GRAMD4: variants seen among roughly 807,000 people sequenced by gnomAD.
The protein encoded by GRAMD4 is GRAM domain-containing protein 4.
Under a neutral mutation model 83.9 loss-of-function variants are expected in GRAMD4, and 25 were observed. The ratio of observed to expected loss-of-function variants is 0.30; its 90% CI spans 0.22 to 0.42. GRAMD4 has a LOEUF of 0.42. Ranked by LOEUF, GRAMD4 falls within the 10% of genes least tolerant of loss-of-function variation. The probability of loss-of-function intolerance (pLI) is 1.00; values close to 1 mark genes in which losing one functional copy is unlikely to be tolerated. For missense variants in GRAMD4, 593 were observed against 788.7 expected, an observed-to-expected ratio of 0.75 and a Z score of 2.97; for synonymous variants, 336 against 320.9, an observed-to-expected ratio of 1.05 and a Z score of -0.50.
upstream of GRAMD4, among the ~76,000 whole-genome samples, chr22:46,617,723 G>C (rs969996836): frequency 2.0e-5 from 3 of 152,220 alleles, no homozygotes; most frequent in East Asian, 3.9e-4. Flanking sequence ...GCCATACACC[G>C]TGCTGGCATT....
At chr22:46,606,011 GGTTTATTGACCAGT>G (rs1304495559) in intron 1 of GRAMD4, among the ~76,000 whole-genome samples, 1,678 of 16,228 alleles carry the variant, frequency 0.1, 498 homozygotes, top group East Asian at 0.28. Flanking sequence ...TCTCTGCATG[GGTTTATTGACCAGT>G]GCTGAGCATG....
At chr22:46,682,032 G>A (rs981640065), downstream of GRAMD4, among the ~76,000 whole-genome samples, 7 of 152,208 alleles carry the variant, frequency 4.6e-5, no homozygotes, top group South Asian at 2.1e-4. Context: ...TGGGAAAGCC[G>A]CCCAGGGAAA....
chr22:46,669,650 A>G (rs2082470522), intron 13 of GRAMD4, among the ~76,000 whole-genome samples: 1 of 147,772 alleles, frequency 6.8e-6, no homozygotes, highest in Non-Finnish European at 1.5e-5. Flanking sequence ...ATCTCGGCTC[A>G]CTGCAACCTC....
chr22:46,658,904 T>C (rs904895328), intron 4 of GRAMD4, among the ~76,000 whole-genome samples: 1 of 151,994 alleles, frequency 6.6e-6, no homozygotes, highest in Non-Finnish European at 1.5e-5. Flanking sequence ...TGCTCTTGTT[T>C]GTGGGTCCCA....
upstream of GRAMD4, chr22:46,620,323 T>A (rs2081555326): frequency 3.6e-5 from 35 of 985,452 alleles, no homozygotes; most frequent in African/African-American, 5.2e-5. The surrounding 1 kb of genome is among the most constrained non-coding windows in gnomAD (Gnocchi z 4.7). Context: ...GGCGCCGCCC[T>A]GAGCCTGGGG....
chr22:46,646,068 A>G (rs2082068256), intron 3 of GRAMD4, among the ~76,000 whole-genome samples: 1 of 152,140 alleles, frequency 6.6e-6, no homozygotes, highest in Non-Finnish European at 1.5e-5. Flanking sequence ...TAGGCTGTGT[A>G]GGGGAGCCCT....
At chr22:46,619,893 C>A (rs2081549558), upstream of GRAMD4, among the ~76,000 whole-genome samples, 1 of 152,170 alleles carries the variant, frequency 6.6e-6, no homozygotes, top group Non-Finnish European at 1.5e-5. Context: ...CCCCCAGGGA[C>A]ATTGCTTAGG....
chr22:46,633,125 G>A (rs1007615491), intron 2 of GRAMD4, among the ~76,000 whole-genome samples: 1 of 152,204 alleles, frequency 6.6e-6, no homozygotes, highest in Non-Finnish European at 1.5e-5. Flanking sequence ...CTGGAACAGG[G>A]TGGCACGGTC....
chr22:46,661,550 C>T, intron 5 of GRAMD4, 108 bp downstream of exon 5: 4 of 796,998 alleles, frequency 5.0e-6, no homozygotes, highest in Non-Finnish European at 8.4e-6. Context: ...CCCCCTCCCC[C>T]AGCAGGTGGG....
upstream of GRAMD4, among the ~76,000 whole-genome samples, chr22:46,576,942 G>A (rs2081047189): frequency 6.9e-6 from 1 of 145,586 alleles, no homozygotes; most frequent in African/African-American, 2.5e-5. Context: ...GCTGGCGCAC[G>A]CGGACCCGCC....
At chr22:46,616,001 T>C (rs1569262210), upstream of GRAMD4, among the ~76,000 whole-genome samples, 1 of 131,716 alleles carries the variant, frequency 7.6e-6, no homozygotes, top group Non-Finnish European at 1.6e-5. Context: ...GGTTCCCCCG[T>C]GTGTAGGTTC....
chr22:46,663,314 G>A lies in GRAMD4; in HGVS notation c.599+142G>A, dbSNP rs2147351971. 4.9e-6 allele frequency: 4 copies of A among 823,274 alleles called. No individual in the cohort carries two copies. In the South Asian group the frequency reaches 5.1e-5, roughly 10 times the overall value. 51.0% of individuals were successfully genotyped at this position (823,274 alleles called of 1,614,324 possible). A position where few individuals can be genotyped will look rare whatever the true frequency, so the allele number is the denominator to read the frequency against. ...CGAGAGCTCCTGGAGGCTCCGCTGT[G>A]TCTGGTCTTCTGGGGGCCGTGCCTG... On this transcript the variant is annotated intron_variant, in intron 6 of 18. Coordinates refer to ENST00000406902, the MANE Select transcript of GRAMD4 (RefSeq NM_015124.5).
At chr22:46,600,051 G>A (rs138547) in intron 1 of GRAMD4, among the ~76,000 whole-genome samples, 55,063 of 152,008 alleles carry the variant, frequency 0.36, 10,670 homozygotes, top group African/African-American at 0.42. Context: ...AGGGTCCTGC[G>A]GAGAGTGGAA....
intron 1 of GRAMD4, among the ~76,000 whole-genome samples, chr22:46,609,646 C>T (rs993600529): frequency 9.8e-5 from 15 of 152,318 alleles, no homozygotes; most frequent in South Asian, 2.1e-4. Context: ...CCCAGGGACA[C>T]GGCACGCTGA....
At chr22:46,630,579 C>T (rs2081754957) in intron 2 of GRAMD4, among the ~76,000 whole-genome samples, 1 of 152,222 alleles carries the variant, frequency 6.6e-6, no homozygotes, top group African/African-American at 2.4e-5. Flanking sequence ...CCGGAGCCCA[C>T]CTTGCAGCCT....
rs1601651225 is a variant in GRAMD4 at position 46,658,263 on chromosome 22, G to C, written c.360G>C (p.Arg120=). 6.2e-7 allele frequency: 1 copy of C among 1,613,338 alleles called. No homozygotes were observed. Among genetic ancestry groups the C allele is most frequent in the African/African-American group, 1.3e-5 (1 of 75,044 alleles). The change falls in exon 4 of 19, where the codon CGG becomes CGC. Residue 120 remains arginine, a synonymous_variant. Coordinates refer to ENST00000406902, the MANE Select transcript of GRAMD4 (RefSeq NM_015124.5). ...LRQELDRERQ[R]RMELEQKVQE... ...AGGAGCTGGACCGCGAGCGGCAGCG[G>C]CGGATGGAGCTGGAGCAGAAGGTGC...
At chr22:46,617,917 C>G (rs545288066), upstream of GRAMD4, among the ~76,000 whole-genome samples, 1 of 152,340 alleles carries the variant, frequency 6.6e-6, no homozygotes, top group East Asian at 1.9e-4. Flanking sequence ...CATCCCAGAT[C>G]ACTGAAGGCT....
intron 1 of GRAMD4, among the ~76,000 whole-genome samples, chr22:46,586,077 G>A (rs1006432711): frequency 6.6e-6 from 1 of 152,114 alleles, no homozygotes; most frequent in African/African-American, 2.4e-5. Flanking sequence ...GTCTAAGGAA[G>A]CAGGTGGAAT....
intron 1 of GRAMD4, among the ~76,000 whole-genome samples, chr22:46,612,394 C>T (rs1460787673): frequency 6.6e-6 from 1 of 152,132 alleles, no homozygotes; most frequent in Non-Finnish European, 1.5e-5. Context: ...ATGTCCTTGG[C>T]CTGTTGGAGG....
Sources: allele counts gnomAD v4.1 joint callset (sites outside exome capture counted in the v4.1 genomes callset), GRCh38; gene constraint gnomAD v4.1.1; non-coding constraint Gnocchi (gnomAD v3.1); transcripts MANE v1.5; gene names NCBI Gene and HGNC (gene_info 2026-07-23, HGNC 2026-07-21).